Variants in RAPGEF5 observed in about 807,000 individuals in gnomAD.
The protein encoded by RAPGEF5 is Rap guanine nucleotide exchange factor 5.
RAPGEF5 carries 65 observed loss-of-function variants against 125.2 expected under a neutral mutation model. The observed-to-expected ratio is 0.52, with a 90% CI of 0.43 to 0.64. RAPGEF5 has a LOEUF of 0.64. Ranked by LOEUF, RAPGEF5 falls within the 30% of genes least tolerant of loss-of-function variation. The probability of loss-of-function intolerance (pLI) is 0.00; values close to 1 mark genes in which losing one functional copy is unlikely to be tolerated. For synonymous variants in RAPGEF5, 391 were observed against 385.9 expected (o/e 1.01, Z -0.16); for missense variants, 958 against 1,048.1 (o/e 0.91, Z 1.19).
Position 22,150,512 on chromosome 7 carries a change from T to G in RAPGEF5, c.1787-8A>C. ...GCTGAAGTTCATGCTTTTCTTTATT[T>G]GAAAAAAAAAAAAAAAAAAGGAATA... is the stretch of plus-strand genomic sequence containing the variant. On this transcript the variant is annotated splice_region_variant and splice_polypyrimidine_tract_variant and intron_variant, in intron 17 of 25. Transcript: ENST00000665637. The G allele has an allele frequency of 7.5e-7, 1 of 1,324,578 alleles. No homozygotes were observed. 82.1% of individuals were successfully genotyped at this position (1,324,578 alleles called of 1,614,324 possible).
At chr7:22,241,211 T>G (rs539415490) in intron 7 of RAPGEF5, among the ~76,000 whole-genome samples, 15 of 152,346 alleles carry the variant, frequency 9.8e-5, no homozygotes, top group Non-Finnish European at 2.1e-4. Context: ...TTATTGCAAC[T>G]TTTTGCCACT....
chr7:22,350,022 A>G (rs1251845553), intron 1 of RAPGEF5, among the ~76,000 whole-genome samples: 1 of 152,234 alleles, frequency 6.6e-6, no homozygotes, highest in Non-Finnish European at 1.5e-5. Context: ...ATTTGCCACA[A>G]CAAATTAAGT....
intron 9 of RAPGEF5, among the ~76,000 whole-genome samples, chr7:22,213,778 G>A (rs1363355602): frequency 6.6e-6 from 1 of 152,174 alleles, no homozygotes; most frequent in Non-Finnish European, 1.5e-5. Flanking sequence ...AGTAATGTTA[G>A]AAAGTTCTAC....
At chr7:22,198,297 G>A (rs1785200235) in intron 9 of RAPGEF5, among the ~76,000 whole-genome samples, 1 of 152,212 alleles carries the variant, frequency 6.6e-6, no homozygotes, top group Non-Finnish European at 1.5e-5. Flanking sequence ...ACAGGGCACT[G>A]GCCTGCCCTG....
chr7:22,318,052 GAAAA>G lies in RAPGEF5; in HGVS notation c.232-19_232-16del. 8.0e-7 allele frequency: 1 copy of G among 1,254,874 alleles called. No homozygotes were observed. Among genetic ancestry groups the G allele is most frequent in the African/African-American group, 1.9e-5 (1 of 52,152 alleles). The allele number at this position is 1,254,874 out of a possible 1,614,324, so 77.7% of individuals were successfully genotyped here. A position where few individuals can be genotyped will look rare whatever the true frequency, so the allele number is the denominator to read the frequency against. ...CTTGATAGAGTCTATTTTAAACAAAGAAAAAAAAAATAGTTAGAACCAAATAAAC... is the reference window on the plus strand; with the variant it reads ...CTTGATAGAGTCTATTTTAAACAAAGAAAAAATAGTTAGAACCAAATAAAC... On this transcript the variant is annotated splice_polypyrimidine_tract_variant and intron_variant, in intron 1 of 25. Coordinates refer to ENST00000665637, the MANE Select transcript of RAPGEF5 (RefSeq NM_012294.5).
At chr7:22,150,528 A>G (rs1325361606) in intron 17 of RAPGEF5, 24 bp from the exon 18 acceptor site, 1 of 1,586,454 alleles carries the variant, frequency 6.3e-7, no homozygotes, top group South Asian at 1.1e-5. Flanking sequence ...AAAAAAAAAA[A>G]AAAGGAATAA....
intron 1 of RAPGEF5, among the ~76,000 whole-genome samples, chr7:22,318,264 T>C (rs1052138839): frequency 1.3e-5 from 2 of 152,198 alleles, no homozygotes; most frequent in Admixed American, 1.3e-4. Context: ...TCCACTTCAA[T>C]GGCTCCCAAG....
intron 7 of RAPGEF5, among the ~76,000 whole-genome samples, chr7:22,255,922 G>A (rs186495377): frequency 1.3e-5 from 2 of 152,296 alleles, no homozygotes; most frequent in Admixed American, 1.3e-4. Flanking sequence ...ACCAGGTGTT[G>A]GAAAACCTGA....
chr7:22,239,935 G>A (rs555052543), intron 7 of RAPGEF5, among the ~76,000 whole-genome samples: 4 of 151,952 alleles, frequency 2.6e-5, no homozygotes, highest in African/African-American at 9.6e-5. Context: ...TTGGCCGGGT[G>A]TGGTGGCTCA....
intron 11 of RAPGEF5, among the ~76,000 whole-genome samples, chr7:22,175,721 A>G (rs1784483541): frequency 6.6e-6 from 1 of 152,210 alleles, no homozygotes; most frequent in South Asian, 2.1e-4. Flanking sequence ...CTTAACTTTC[A>G]GGAAACAAAG....
chr7:22,316,085 T>A (rs1295844871), intron 2 of RAPGEF5, among the ~76,000 whole-genome samples: 2 of 152,062 alleles, frequency 1.3e-5, no homozygotes, highest in East Asian at 3.8e-4. Flanking sequence ...TTTTAAATAT[T>A]CTAATTCCCC....
At chr7:22,327,788 G>A (rs566998088) in intron 1 of RAPGEF5, among the ~76,000 whole-genome samples, 1 of 152,318 alleles carries the variant, frequency 6.6e-6, no homozygotes, top group East Asian at 1.9e-4. Context: ...GCATGCATCA[G>A]ACATCAGAGA....
rs151263173 is a variant in RAPGEF5 at position 22,324,168 on chromosome 7, T to C, written c.232-6131A>G. Among the ~76,000 whole-genome samples, 786 of 152,320 alleles carry C rather than the reference T, an allele frequency of 5.2e-3. 11 individuals are homozygous for C. The highest frequency in any genetic ancestry group is 0.034 in the South Asian group (164 of 4,824). On this transcript the variant is annotated intron_variant, in intron 1 of 25. Transcript: ENST00000665637. Reference sequence around the variant, plus strand: ...ACATGTTGACATCTGCCTCCTGATATGATGAACAGAGAAAGGCACTTTTAT... The same window carrying C: ...ACATGTTGACATCTGCCTCCTGATACGATGAACAGAGAAAGGCACTTTTAT...
At chr7:22,230,032 C>T (rs941540375) in intron 8 of RAPGEF5, among the ~76,000 whole-genome samples, 1 of 152,046 alleles carries the variant, frequency 6.6e-6, no homozygotes, top group African/African-American at 2.4e-5. Context: ...AGACATTTAC[C>T]CATAGAATAA....
chr7:22,351,615 AGGCTTG>A (rs1263326108), intron 1 of RAPGEF5, among the ~76,000 whole-genome samples: 1 of 152,136 alleles, frequency 6.6e-6, no homozygotes, highest in Non-Finnish European at 1.5e-5. Flanking sequence ...ATAGGCTCAT[AGGCTTG>A]TAGTGAGAGT....
intron 21 of RAPGEF5, chr7:22,139,747 T>A: frequency 3.2e-6 from 1 of 317,386 alleles, no homozygotes; most frequent in Admixed American, 4.0e-5. Context: ...GCACGCATCA[T>A]CATGCGGGGA....
In RAPGEF5 at chr7:22,154,561, C is replaced by A. The variant is rs1428900436; in HGVS notation, c.1680G>T (p.Val560=). ...VYITEHSYVS[V]KAKVSSIAQE... is the part of the protein sequence containing the mutation. ...GGGCTATACTGGAAACTTTTGCCTT[C>A]ACACTGACATAGGAGTGCTCTGTTA... The change falls in exon 17 of 26, where the codon GTG becomes GTT. Residue 560 remains valine, a synonymous_variant. Transcript: ENST00000665637. 6.2e-7 allele frequency: 1 copy of A among 1,613,858 alleles called. No homozygotes were observed. Among genetic ancestry groups the A allele is most frequent in the East Asian group, 2.2e-5 (1 of 44,890 alleles).
intron 11 of RAPGEF5, among the ~76,000 whole-genome samples, chr7:22,169,293 A>G (rs903579041): frequency 2.6e-5 from 4 of 152,200 alleles, no homozygotes; most frequent in African/African-American, 9.6e-5. Flanking sequence ...GTCTCCAAAC[A>G]AGTTAACCTG....
chr7:22,251,775 CAAAAAAAAAAAAA>C (rs58681076), intron 7 of RAPGEF5, among the ~76,000 whole-genome samples: 1 of 73,344 alleles, frequency 1.4e-5, no homozygotes, highest in Non-Finnish European at 2.5e-5. Flanking sequence ...GTTTCATTGA[CAAAAAAAAAAAAA>C]AAAAAAAAAA....
Sources: gnomAD v4.1 joint callset for allele counts (sites outside exome capture counted in the v4.1 genomes callset) on GRCh38, gnomAD v4.1.1 for gene constraint, MANE v1.5 for transcripts, NCBI Gene and HGNC (gene_info 2026-07-23, HGNC 2026-07-21) for gene names.